Variants in ABCD3 observed in about 807,000 individuals in gnomAD.
The protein encoded by ABCD3 is ATP-binding cassette sub-family D member 3.
Under a neutral mutation model 105.5 loss-of-function variants are expected in ABCD3, and 41 were observed. The observed-to-expected ratio is 0.39, with a 90% CI of 0.30 to 0.50. The LOEUF is 0.50. Among genes scored for constraint, ABCD3 ranks in the 20% least tolerant of loss-of-function variants. The probability of loss-of-function intolerance (pLI) is 0.84; values close to 1 mark genes in which losing one functional copy is unlikely to be tolerated. For synonymous variants in ABCD3, 258 were observed against 269.0 expected, an observed-to-expected ratio of 0.96 and a Z score of 0.40; for missense variants, 622 against 806.3, an observed-to-expected ratio of 0.77 and a Z score of 2.77.
the ABCD3 span, among the ~76,000 whole-genome samples, chr1:94,410,544 G>T: frequency 1.3e-5 from 2 of 152,142 alleles, no homozygotes; most frequent in African/African-American, 2.4e-5. Flanking sequence ...TCAAAGCTTA[G>T]ACTGAAACTG....
intron 1 of ABCD3, among the ~76,000 whole-genome samples, chr1:94,427,986 T>C (rs1323755086): frequency 6.6e-6 from 1 of 152,186 alleles, no homozygotes; most frequent in African/African-American, 2.4e-5. Flanking sequence ...GGATAACTGC[T>C]ATTTATGTAA....
chr1:94,408,417 T>C, the ABCD3 span, among the ~76,000 whole-genome samples: 1 of 138,474 alleles, frequency 7.2e-6, no homozygotes, highest in South Asian at 2.2e-4. Context: ...ACCCCATCTC[T>C]ACTAAAAAAA....
chr1:94,385,382 CAAAG>C, the ABCD3 span, among the ~76,000 whole-genome samples: 1 of 145,478 alleles, frequency 6.9e-6, no homozygotes, highest in Non-Finnish European at 1.5e-5. Context: ...GAATACAAAG[CAAAG>C]AGAGAGAGAG....
intron 21 of ABCD3, 40 bp downstream of exon 21, chr1:94,506,682 C>CT: frequency 7.0e-7 from 1 of 1,419,932 alleles, no homozygotes; most frequent in Non-Finnish European, 1.0e-6. Context: ...CCATGGCCTC[C>CT]TACCTAGTGT....
intron 2 of ABCD3, among the ~76,000 whole-genome samples, chr1:94,461,458 CAT>C (rs1647864972): frequency 7.2e-6 from 1 of 138,840 alleles, no homozygotes; most frequent in Non-Finnish European, 1.6e-5. Context: ...TGTATTTTGG[CAT>C]GTGTGTGTAT....
At chr1:94,472,847 CATT>C in intron 4 of ABCD3, among the ~76,000 whole-genome samples, 1 of 152,244 alleles carries the variant, frequency 6.6e-6, no homozygotes, top group South Asian at 2.1e-4. Context: ...AATTTGGGAA[CATT>C]ATTAAGTATT....
At chr1:94,435,744 C>A (rs567779257) in intron 1 of ABCD3, among the ~76,000 whole-genome samples, 1 of 152,254 alleles carries the variant, frequency 6.6e-6, no homozygotes, top group Non-Finnish European at 1.5e-5. Context: ...TGGTGCAGTT[C>A]AATTAGGAAA....
rs559364564 is a variant in ABCD3, at chr1:94,505,366, G to A, written c.1741-1172G>A. 3.5e-4 allele frequency among the ~76,000 whole-genome samples: 45 copies of A among 128,840 alleles called. No individual in the cohort carries two copies. The South Asian group carries it at 0.011, about 32-fold the overall frequency. The allele number at this position is 128,840 out of a possible 152,430, so 84.5% of individuals were successfully genotyped here. On this transcript the variant is annotated intron_variant, in intron 20 of 22. Transcript: ENST00000370214. Reference sequence around the variant, plus strand: ...ACCACAGATGAACACCACCATGCTTGGCTAATTTTTTTTTTTTTTTTTTTT... The same window carrying A: ...ACCACAGATGAACACCACCATGCTTAGCTAATTTTTTTTTTTTTTTTTTTT...
chr1:94,412,886 G>T, the ABCD3 span, among the ~76,000 whole-genome samples: 121 of 152,158 alleles, frequency 8.0e-4, 1 homozygote, highest in Admixed American at 2.6e-3. Flanking sequence ...TTTTTTTATT[G>T]TGTGAGCTAT....
intron 16 of ABCD3, among the ~76,000 whole-genome samples, chr1:94,493,049 G>A (rs1432768116): frequency 6.6e-6 from 1 of 152,018 alleles, no homozygotes; most frequent in Admixed American, 6.6e-5. Flanking sequence ...AGGACTTCAT[G>A]TCTAAAACAC....
chr1:94,449,954 A>T (rs1013257771), intron 1 of ABCD3, among the ~76,000 whole-genome samples: 3 of 152,210 alleles, frequency 2.0e-5, no homozygotes, highest in Non-Finnish European at 4.4e-5. Context: ...TGTTAACAAG[A>T]TCAAAATTTG....
intron 1 of ABCD3, among the ~76,000 whole-genome samples, chr1:94,421,005 T>C (rs1256544301): frequency 2.0e-5 from 3 of 152,132 alleles, no homozygotes; most frequent in Non-Finnish European, 4.4e-5. Context: ...TAATTAAATG[T>C]TCTGGGTTAC....
chr1:94,499,761 T>C, intron 20 of ABCD3, 147 bp downstream of exon 20: 1 of 1,025,806 alleles, frequency 9.7e-7, no homozygotes, highest in Non-Finnish European at 1.4e-6. Flanking sequence ...TGCTTGAAAA[T>C]CTTTAACTTG....
At position 94,498,840 on chromosome 1, in the gene ABCD3, G is replaced by A. The variant is rs527850906; in HGVS notation, c.1522G>A (p.Val508Ile). Residue 508 changes from valine (V) to isoleucine (I), a missense_variant, in exon 18 of 23, where the codon GTT becomes ATT. Val to Ile is a conservative substitution (Grantham distance 29, BLOSUM62 3). Coordinates refer to ENST00000370214, the MANE Select transcript of ABCD3 (RefSeq NM_002858.4). ...ACCTGAAAGAGGAAAATTATTTTAT[G>A]TTCCTCAGGTAAGACCTAGCTTGAG... ...TKPERGKLFY[V>I]PQRPYMTLGT... 8.1e-6 allele frequency: 13 copies of A among 1,613,272 alleles called. No individual in the cohort carries two copies. Among genetic ancestry groups the A allele is most frequent in the Non-Finnish European group, 1.0e-5 (12 of 1,179,584 alleles).
At chr1:94,502,018 A>C (rs1650123785) in intron 20 of ABCD3, among the ~76,000 whole-genome samples, 1 of 152,044 alleles carries the variant, frequency 6.6e-6, no homozygotes, top group African/African-American at 2.4e-5. Context: ...CAGACTTCAT[A>C]ATCCAGGGTG....
At chr1:94,388,695 G>A in the ABCD3 span, among the ~76,000 whole-genome samples, 1 of 152,172 alleles carries the variant, frequency 6.6e-6, no homozygotes, top group African/African-American at 2.4e-5. Flanking sequence ...AACAAGTGGA[G>A]TAACACAGAC....
chr1:94,430,533 T>TA (rs1269495257), intron 1 of ABCD3, among the ~76,000 whole-genome samples: 1 of 152,162 alleles, frequency 6.6e-6, no homozygotes, highest in African/African-American at 2.4e-5. Context: ...TGCGATCTGA[T>TA]ACTTTTATAA....
At chr1:94,445,011 A>G (rs577561910) in intron 1 of ABCD3, among the ~76,000 whole-genome samples, 1 of 152,242 alleles carries the variant, frequency 6.6e-6, no homozygotes, top group Non-Finnish European at 1.5e-5. Flanking sequence ...CTGTGCCTTA[A>G]GGACATGTTC....
chr1:94,478,583 G>A, intron 8 of ABCD3: 1 of 1,542,962 alleles, frequency 6.5e-7, no homozygotes, highest in South Asian at 1.2e-5. Context: ...AGGCGTGGTG[G>A]CTCATGCCTG....
Sources: gnomAD v4.1 joint callset for allele counts (sites outside exome capture counted in the v4.1 genomes callset) on GRCh38, gnomAD v4.1.1 for gene constraint, MANE v1.5 for transcripts, NCBI Gene and HGNC (gene_info 2026-07-23, HGNC 2026-07-21) for gene names.